LRRC4C: variants seen among roughly 807,000 people sequenced by gnomAD.
LRRC4C encodes the protein leucine-rich repeat-containing protein 4C.
In LRRC4C, 5 loss-of-function variants were observed where a neutral mutation model predicts 33.6. That is an observed-to-expected ratio of 0.15 (90% CI 0.08 to 0.31). The LOEUF (loss-of-function observed/expected upper bound fraction) is 0.31. Among genes scored for constraint, LRRC4C ranks in the 10% least tolerant of loss-of-function variants. The pLI, the probability that LRRC4C is intolerant of heterozygous loss-of-function variation, is 1.00. For missense variants in LRRC4C, 560 were observed against 796.7 expected, an observed-to-expected ratio of 0.70 and a Z score of 3.58; for synonymous variants, 329 against 302.0, an observed-to-expected ratio of 1.09 and a Z score of -0.93.
intron 2 of LRRC4C, among the ~76,000 whole-genome samples, chr11:40,804,883 T>C (rs1188512741): frequency 2.0e-5 from 3 of 152,148 alleles, no homozygotes; most frequent in Non-Finnish European, 2.9e-5. Flanking sequence ...AAGTAATCCA[T>C]AAAAAGGAAA....
chr11:40,651,499 T>C (rs1001285337), intron 2 of LRRC4C, among the ~76,000 whole-genome samples: 1 of 152,214 alleles, frequency 6.6e-6, no homozygotes, highest in African/African-American at 2.4e-5. Context: ...AATCTACCAC[T>C]GTCATATGCC....
At chr11:41,198,242 T>G (rs931291752) in intron 1 of LRRC4C, among the ~76,000 whole-genome samples, 1 of 152,026 alleles carries the variant, frequency 6.6e-6, no homozygotes, top group African/African-American at 2.4e-5. Flanking sequence ...ATGAAATATA[T>G]GCATTTCCTG....
chr11:40,584,642 A>T (rs570151086), intron 3 of LRRC4C, among the ~76,000 whole-genome samples: 1 of 152,228 alleles, frequency 6.6e-6, no homozygotes, highest in African/African-American at 2.4e-5. Flanking sequence ...CAGAAACATG[A>T]AAGAAGAGGC....
chr11:41,166,376 G>A (rs1186010712), intron 1 of LRRC4C, among the ~76,000 whole-genome samples: 3 of 152,022 alleles, frequency 2.0e-5, no homozygotes, highest in African/African-American at 7.2e-5. Context: ...TCATATAATT[G>A]TTACTGCTTA....
chr11:40,478,661 T>G (rs1953379316), intron 3 of LRRC4C, among the ~76,000 whole-genome samples: 1 of 152,216 alleles, frequency 6.6e-6, no homozygotes, highest in African/African-American at 2.4e-5. Context: ...TCATTTACAT[T>G]AGTAATTTTA....
At chr11:41,050,139 G>A (rs2138108121) in intron 1 of LRRC4C, among the ~76,000 whole-genome samples, 1 of 152,260 alleles carries the variant, frequency 6.6e-6, no homozygotes, top group African/African-American at 2.4e-5. Context: ...GGAGAATACA[G>A]TGTTTGGAGT....
chr11:41,356,618 C>T (rs545633088), intron 1 of LRRC4C, among the ~76,000 whole-genome samples: 1 of 152,248 alleles, frequency 6.6e-6, no homozygotes, highest in Admixed American at 6.5e-5. Flanking sequence ...CTCCATCCTT[C>T]AACTTGACCT....
intron 3 of LRRC4C, among the ~76,000 whole-genome samples, chr11:40,624,219 A>G (rs1379195460): frequency 6.6e-6 from 1 of 152,116 alleles, no homozygotes; most frequent in South Asian, 2.1e-4. Context: ...TCCTGCAATC[A>G]CTATAAGATA....
chr11:40,809,517 C>T lies in LRRC4C; in HGVS notation c.-407+124118G>A, dbSNP rs138988149. On this transcript the variant is annotated intron_variant, in intron 2 of 6. Transcript: ENST00000528697. ...TCTGTGTCCTACCTATATCCCTCCC[C>T]TGCTGCATTTTTTTCTATAGAACTT... is the stretch of plus-strand genomic sequence containing the variant. Among the ~76,000 whole-genome samples, 388 of 152,232 alleles carry T rather than the reference C, an allele frequency of 2.5e-3. 1 individual carries two copies. The highest frequency in any genetic ancestry group is 3.4e-3 in the Middle Eastern group (1 of 294).
chr11:41,202,654 C>T (rs1946444578), intron 1 of LRRC4C, among the ~76,000 whole-genome samples: 1 of 152,020 alleles, frequency 6.6e-6, no homozygotes, highest in Non-Finnish European at 1.5e-5. Flanking sequence ...TTTTTTGGCT[C>T]TAATGCTTTT....
chr11:40,756,816 C>G (rs1007616438), intron 2 of LRRC4C, among the ~76,000 whole-genome samples: 4 of 151,972 alleles, frequency 2.6e-5, no homozygotes, highest in East Asian at 3.9e-4. Flanking sequence ...ATTTGAAAAC[C>G]AATGGATAAA....
intron 1 of LRRC4C, among the ~76,000 whole-genome samples, chr11:41,297,150 T>C (rs961391658): frequency 3.9e-5 from 6 of 152,214 alleles, no homozygotes; most frequent in African/African-American, 1.4e-4. Context: ...TCATGTGGTT[T>C]TTATTTTTCA....
intron 1 of LRRC4C, among the ~76,000 whole-genome samples, chr11:41,307,536 C>T (rs1443188486): frequency 6.6e-6 from 1 of 152,164 alleles, no homozygotes; most frequent in Non-Finnish European, 1.5e-5. Context: ...ACAAACACAG[C>T]CTTGTTGCAT....
chr11:40,478,671 A>G (rs769550731), intron 3 of LRRC4C, among the ~76,000 whole-genome samples: 6 of 152,292 alleles, frequency 3.9e-5, no homozygotes, highest in Middle Eastern at 3.4e-3. Flanking sequence ...TAGTAATTTT[A>G]AAGTTTACTT....
intron 3 of LRRC4C, among the ~76,000 whole-genome samples, chr11:40,536,113 CT>C (rs1255318357): frequency 2.0e-5 from 3 of 152,172 alleles, no homozygotes; most frequent in Non-Finnish European, 4.4e-5. Context: ...CATCTGGAAA[CT>C]TGTTAGAAAT....
intron 1 of LRRC4C, among the ~76,000 whole-genome samples, chr11:41,312,395 C>T (rs1950667574): frequency 6.6e-6 from 1 of 152,148 alleles, no homozygotes; most frequent in Non-Finnish European, 1.5e-5. Context: ...TATACCAGTA[C>T]AGAGTAATGT....
In LRRC4C at chr11:40,644,663, A is replaced by T. The variant is rs573874111; in HGVS notation, c.-270+3479T>A. On this transcript the variant is annotated intron_variant, in intron 3 of 6. Coordinates refer to ENST00000528697, the MANE Select transcript of LRRC4C (RefSeq NM_001258419.2). The stretch of plus-strand genomic sequence containing the variant: ...TGAGTGAAAACAGCCAATGCCCATA[A>T]GCCACATACTGTGTGATTACATTTA... Among the ~76,000 whole-genome samples, 3 of 152,354 alleles carry T rather than the reference A, an allele frequency of 2.0e-5. No homozygotes were observed. The South Asian group carries it at 6.2e-4, about 32-fold the overall frequency.
At chr11:41,101,174 G>C (rs1941152206) in intron 1 of LRRC4C, among the ~76,000 whole-genome samples, 1 of 152,116 alleles carries the variant, frequency 6.6e-6, no homozygotes, top group South Asian at 2.1e-4. Flanking sequence ...AAACTTAAGA[G>C]CTTCTGCACA....
chr11:41,318,656 C>A (rs1282180166), intron 1 of LRRC4C, among the ~76,000 whole-genome samples: 4 of 152,212 alleles, frequency 2.6e-5, no homozygotes, highest in African/African-American at 4.8e-5. Context: ...GAACACTAAT[C>A]ATTTGACAAC....
Sources: gnomAD v4.1 joint callset for allele counts (sites outside exome capture counted in the v4.1 genomes callset) on GRCh38, gnomAD v4.1.1 for gene constraint, MANE v1.5 for transcripts, NCBI Gene and HGNC (gene_info 2026-07-23, HGNC 2026-07-21) for gene names.